CPD: variants seen among roughly 807,000 people sequenced by gnomAD.
CPD encodes carboxypeptidase D.
CPD carries 69 observed loss-of-function variants against 138.3 expected under a neutral mutation model. The ratio of observed to expected loss-of-function variants is 0.50; its 90% CI spans 0.41 to 0.61. The LOEUF (loss-of-function observed/expected upper bound fraction) is 0.61. Among genes scored for constraint, CPD ranks in the 20% least tolerant of loss-of-function variants. The pLI, the probability that CPD is intolerant of heterozygous loss-of-function variation, is 0.00. For synonymous variants in CPD, 651 were observed against 642.1 expected (o/e 1.01, Z -0.21); for missense variants, 1,432 against 1,733.3 (o/e 0.83, Z 3.09).
intron 17 of CPD, among the ~76,000 whole-genome samples, chr17:30,458,878 A>C (rs1913374520): frequency 6.6e-6 from 1 of 151,644 alleles, no homozygotes; most frequent in Admixed American, 6.6e-5. Flanking sequence ...AAAAAAAAAA[A>C]AGAAAAAAAA....
At chr17:30,440,044 A>G (rs1443842983) in intron 9 of CPD, among the ~76,000 whole-genome samples, 5 of 137,748 alleles carry the variant, frequency 3.6e-5, no homozygotes, top group East Asian at 2.2e-4. Flanking sequence ...AAGTGTTCCT[A>G]TTTCTCCACA....
intron 14 of CPD, 139 bp downstream of exon 14, chr17:30,451,985 G>C: frequency 1.3e-6 from 1 of 765,554 alleles, no homozygotes; most frequent in Non-Finnish European, 1.9e-6. Flanking sequence ...AATGAATTCA[G>C]ACATCTGGAA....
chr17:30,424,818 A>G (rs1369310413), intron 6 of CPD, among the ~76,000 whole-genome samples: 1 of 152,166 alleles, frequency 6.6e-6, no homozygotes, highest in African/African-American at 2.4e-5. Flanking sequence ...CTTCCAGGCA[A>G]TGATATCTAT....
intron 13 of CPD, among the ~76,000 whole-genome samples, chr17:30,451,335 G>C (rs1237476552): frequency 6.6e-6 from 1 of 152,180 alleles, no homozygotes; most frequent in African/African-American, 2.4e-5. Context: ...CAGGTGCTCT[G>C]TGTTGCGAAC....
intron 6 of CPD, among the ~76,000 whole-genome samples, chr17:30,426,611 T>C (rs1912416017): frequency 6.6e-6 from 1 of 152,180 alleles, no homozygotes; most frequent in African/African-American, 2.4e-5. Context: ...TCTACAGTAG[T>C]GATGTTATCT....
chr17:30,443,682 C>A, intron 10 of CPD, 120 bp from the exon 11 acceptor site: 2 of 1,018,414 alleles, frequency 2.0e-6, no homozygotes, highest in Non-Finnish European at 1.4e-6. Context: ...CTCTGAACTC[C>A]TAAATTCCTG....
intron 1 of CPD, among the ~76,000 whole-genome samples, chr17:30,380,862 A>G (rs1911023237): frequency 6.6e-6 from 1 of 152,226 alleles, no homozygotes; most frequent in Admixed American, 6.5e-5. Context: ...CCCCTTTTCT[A>G]GCATCAGCTT....
At position 30,378,976 on chromosome 17, in the gene CPD, G is replaced by A. The variant is rs752919571; in HGVS notation, c.-5G>A. 3 of 1,522,316 alleles carry A rather than the reference G, an allele frequency of 2.0e-6. No individual in the cohort carries two copies. Among genetic ancestry groups the A allele is most frequent in the Admixed American group, 4.1e-5 (2 of 49,092 alleles). The allele number at this position is 1,522,316 out of a possible 1,614,324, so 94.3% of individuals were successfully genotyped here. A position where few individuals can be genotyped will look rare whatever the true frequency, so the allele number is the denominator to read the frequency against. ...CGGAGCCGGGGTTAGCGGCGCTGCT[G>A]GAAGATGGCGAGCGGCCGGGACGAG... On this transcript the variant is annotated 5_prime_UTR_variant, in exon 1 of 21. Coordinates refer to ENST00000225719, the MANE Select transcript of CPD (RefSeq NM_001304.5).
At chr17:30,436,810 G>A (rs986362412) in intron 8 of CPD, among the ~76,000 whole-genome samples, 1 of 152,084 alleles carries the variant, frequency 6.6e-6, no homozygotes, top group African/African-American at 2.4e-5. Context: ...ACAAAAACTT[G>A]TACATGAATA....
chr17:30,447,750 A>G (rs1184998481), intron 12 of CPD, among the ~76,000 whole-genome samples: 1 of 152,174 alleles, frequency 6.6e-6, no homozygotes, highest in African/African-American at 2.4e-5. Context: ...GGGAAAACAT[A>G]CAGTCCTGGC....
At chr17:30,419,327 A>G (rs1474890883) in intron 2 of CPD, among the ~76,000 whole-genome samples, 3 of 152,058 alleles carry the variant, frequency 2.0e-5, no homozygotes, top group Non-Finnish European at 4.4e-5. Flanking sequence ...TTCTCTTGTA[A>G]TCAAATCAGC....
Position 30,460,016 on chromosome 17 carries a change from C to T in CPD, c.3499-1164C>T, listed in dbSNP as rs79112847. 5.1e-3 allele frequency among the ~76,000 whole-genome samples: 781 copies of T among 152,242 alleles called. 6 individuals are homozygous for T. The highest frequency in any genetic ancestry group is 0.018 in the African/African-American group (753 of 41,530). On this transcript the variant is annotated intron_variant, in intron 17 of 20. Transcript: ENST00000225719. ...AAAATATACTGCCTGGCCTATTGTA[C>T]GAATTAACTGTGTTACATAATTAAT... is the stretch of plus-strand genomic sequence containing the variant.
intron 6 of CPD, 83 bp from the exon 7 acceptor site, chr17:30,427,308 G>A (rs1912442211): frequency 1.5e-6 from 2 of 1,290,862 alleles, no homozygotes; most frequent in African/African-American, 2.9e-5. Flanking sequence ...TTTGCCTTGA[G>A]TTAAGGTATC....
At chr17:30,387,972 C>T (rs1205393136) in intron 2 of CPD, among the ~76,000 whole-genome samples, 1 of 152,192 alleles carries the variant, frequency 6.6e-6, no homozygotes, top group African/African-American at 2.4e-5. Context: ...CATCTCCTCT[C>T]TGTAGGCAGG....
At position 30,428,392 on chromosome 17, in the gene CPD, C is replaced by T. The variant is rs191696744; in HGVS notation, c.2017+834C>T. 1.4e-3 allele frequency among the ~76,000 whole-genome samples: 207 copies of T among 152,234 alleles called. 2 individuals are homozygous for T. The highest frequency in any genetic ancestry group is 4.1e-3 in the African/African-American group (171 of 41,514). ...TATATGAATGTTCAATGTACATGAA[C>T]GTTCATTCAGGATTATTCACAATAA... On this transcript the variant is annotated intron_variant, in intron 7 of 20. Transcript: ENST00000225719.
Position 30,466,799 on chromosome 17 carries a change from A to G in CPD, c.*1985A>G, listed in dbSNP as rs185143651. 1,213 of 152,524 alleles carry G rather than the reference A, an allele frequency of 8.0e-3. 8 individuals are homozygous for G. The highest frequency in any genetic ancestry group is 0.014 in the Non-Finnish European group (930 of 67,988). The allele number at this position is 152,524 out of a possible 1,614,324, so 9.4% of individuals were successfully genotyped here. ...CCTTTTACATGTACTTCTCTCTTGG[A>G]TCAAATATGTCTTTAACTGTACATC... is the stretch of plus-strand genomic sequence containing the variant. On this transcript the variant is annotated 3_prime_UTR_variant, in exon 21 of 21. Transcript: ENST00000225719.
At chr17:30,390,450 G>A (rs927105050) in intron 2 of CPD, among the ~76,000 whole-genome samples, 1 of 152,170 alleles carries the variant, frequency 6.6e-6, no homozygotes, top group Non-Finnish European at 1.5e-5. Context: ...GCCTGAGAGA[G>A]GAACTAACTT....
chr17:30,438,996 G>A lies in CPD; in HGVS notation c.2149G>A (p.Gly717Ser), dbSNP rs754167562. 1.3e-6 allele frequency: 2 copies of A among 1,579,154 alleles called. No individual in the cohort carries two copies. The highest frequency in any genetic ancestry group is 2.3e-5 in the East Asian group (1 of 42,778). The change falls in exon 9 of 21, where the codon GGT becomes AGT. Residue 717 changes from glycine to serine, a missense_variant. Around this residue, in one of 6 missense-constraint regions of CPD, gnomAD observed 297 missense variants for 405.3 expected, o/e 0.73. Transcript: ENST00000225719. ...CCAGGAAAATTCCCAGATGTTTCAA[G>A]GTAGACCTTGCAAGAATATGTATCC... ...YSKENSQMFQ[G>S]RPCKNMYPNE...
chr17:30,446,652 T>G (rs1913039380), intron 12 of CPD, among the ~76,000 whole-genome samples: 1 of 152,228 alleles, frequency 6.6e-6, no homozygotes, highest in African/African-American at 2.4e-5. Flanking sequence ...GCATGTGTCT[T>G]TATAGCACCA....
Sources: gnomAD v4.1 joint callset for allele counts (sites outside exome capture counted in the v4.1 genomes callset) on GRCh38, gnomAD v4.1.1 for gene constraint, gnomAD v4.1.1 regional missense constraint, MANE v1.5 for transcripts, NCBI Gene and HGNC (gene_info 2026-07-23, HGNC 2026-07-21) for gene names.